The following RASGRP1 variants were observed in gnomAD, a reference collection of about 807,000 sequenced individuals.
The protein encoded by RASGRP1 is RAS guanyl releasing protein 1.
A neutral mutation model predicts 95.1 loss-of-function variants in RASGRP1; 37 were observed. That is an observed-to-expected ratio of 0.39 (90% CI 0.30 to 0.51). The LOEUF (loss-of-function observed/expected upper bound fraction) is 0.51, where lower values mean the gene tolerates loss of function less well. Among genes scored for constraint, RASGRP1 ranks in the 20% least tolerant of loss-of-function variants. The pLI is 0.80. For synonymous variants in RASGRP1, 325 were observed against 353.4 expected (o/e 0.92, Z 0.90); for missense variants, 711 against 965.4 (o/e 0.74, Z 3.49).
At position 38,494,689 on chromosome 15, in the gene RASGRP1, A is replaced by C; in HGVS notation, c.1952T>G (p.Met651Arg). ...HGEESKDRTI[M>R]LMGVSSQKIS... The stretch of plus-strand genomic sequence containing the variant: ...CTTCTGTGAGGACACTCCCATCAGC[A>C]TGATGGTCCGATCCTTACTCTCCTC... The change falls in exon 16 of 17, where the codon ATG becomes AGG. Residue 651 changes from methionine to arginine, a missense_variant. Met to Arg is a moderately conservative substitution (Grantham distance 91). Around this residue, in one of 3 missense-constraint regions of RASGRP1, gnomAD observed 212 missense variants for 247.8 expected, o/e 0.86. Transcript: ENST00000310803. 6.5e-7 allele frequency: 1 copy of C among 1,531,324 alleles called. No homozygotes were observed. Among genetic ancestry groups the C allele is most frequent in the Non-Finnish European group, 8.7e-7 (1 of 1,144,294 alleles). 94.9% of individuals were successfully genotyped at this position (1,531,324 alleles called of 1,614,324 possible).
intron 4 of RASGRP1, among the ~76,000 whole-genome samples, chr15:38,518,935 A>G (rs1395004218): frequency 6.6e-6 from 1 of 152,352 alleles, no homozygotes; most frequent in East Asian, 1.9e-4. Flanking sequence ...AACAAGACAA[A>G]GGAAATACAC....
intron 10 of RASGRP1, among the ~76,000 whole-genome samples, chr15:38,505,255 CCTA>C (rs1430863992): frequency 6.6e-6 from 1 of 152,144 alleles, no homozygotes; most frequent in Non-Finnish European, 1.5e-5. Flanking sequence ...CTGTGAAGTT[CCTA>C]CTGCAGGCAG....
intron 8 of RASGRP1, among the ~76,000 whole-genome samples, chr15:38,508,929 G>A (rs913754152): frequency 1.3e-5 from 2 of 152,130 alleles, no homozygotes; most frequent in South Asian, 2.1e-4. Context: ...AGTCCAAGAC[G>A]CCTAATTGAT....
chr15:38,559,828 T>G lies in RASGRP1; in HGVS notation c.213A>C (p.Gln71His), dbSNP rs577541812. The G allele has an allele frequency of 3.2e-5, 51 of 1,613,514 alleles. No individual in the cohort carries two copies. In the East Asian group the frequency reaches 9.8e-4, roughly 31 times the overall value. Residue 71 changes from glutamine (Q) to histidine (H), a missense_variant, in exon 2 of 17, where the codon CAA (glutamine) becomes CAC (histidine). Around this residue, in one of 3 missense-constraint regions of RASGRP1, gnomAD observed 491 missense variants for 676.6 expected, o/e 0.73. Coordinates refer to ENST00000310803, the MANE Select transcript of RASGRP1 (RefSeq NM_005739.4). ...GGCAGTTAGCCAACTTACCAAAAGA[T>G]TGAATGCAGCTGTCAATGAGATCGT... ...SLDDLIDSCI[Q>H]SFDADGNLCR...
intron 2 of RASGRP1, among the ~76,000 whole-genome samples, chr15:38,556,996 A>G (rs1405035749): frequency 6.6e-6 from 1 of 152,194 alleles, no homozygotes; most frequent in African/African-American, 2.4e-5. Flanking sequence ...GTGGGTTTAA[A>G]ATGAGAAGAC....
chr15:38,495,874 G>A (rs2141079235), intron 15 of RASGRP1, among the ~76,000 whole-genome samples: 1 of 151,846 alleles, frequency 6.6e-6, no homozygotes, highest in African/African-American at 2.4e-5. Context: ...TACCAACCTA[G>A]ATTGTCAAAT....
At position 38,511,703 on chromosome 15, in the gene RASGRP1, C is replaced by A; in HGVS notation, c.867G>T (p.Gln289His). 1 of 1,613,456 alleles carries A rather than the reference C, an allele frequency of 6.2e-7. No homozygotes were observed. Among genetic ancestry groups the A allele is most frequent in the South Asian group, 1.1e-5 (1 of 91,052 alleles). Residue 289 changes from glutamine (Q) to histidine (H), a missense_variant, in exon 8 of 17, where the codon CAG becomes CAT. Transcript: ENST00000310803. ...IQVAQKLHQL[Q>H]NFNTLMAVIG... The stretch of plus-strand genomic sequence containing the variant: ...TCACAGCCATCAGTGTATTGAAGTT[C>A]TGTAGTTGGTGGAGCTTCTGTGACA...
intron 2 of RASGRP1, among the ~76,000 whole-genome samples, chr15:38,547,483 G>A (rs1339573998): frequency 6.6e-6 from 1 of 152,144 alleles, no homozygotes; most frequent in Non-Finnish European, 1.5e-5. Flanking sequence ...GACTCCCAGA[G>A]TTGTAACTTG....
rs1890728975 is a variant in RASGRP1 at position 38,494,691 on chromosome 15, G to A, written c.1950C>T (p.Ile650=). Residue 650 remains isoleucine (I), a synonymous_variant, in exon 16 of 17, where the codon ATC becomes ATT. Coordinates refer to ENST00000310803, the MANE Select transcript of RASGRP1 (RefSeq NM_005739.4). ...TCTGTGAGGACACTCCCATCAGCAT[G>A]ATGGTCCGATCCTTACTCTCCTCAC... ...EHGEESKDRT[I]MLMGVSSQKI... 3.3e-6 allele frequency: 5 copies of A among 1,530,886 alleles called. No individual in the cohort carries two copies. In the East Asian group the frequency reaches 1.1e-4, roughly 35 times the overall value. The allele number at this position is 1,530,886 out of a possible 1,614,324, so 94.8% of individuals were successfully genotyped here.
chr15:38,564,491 C>G (rs1038458492), intron 1 of RASGRP1, 103 bp downstream of exon 1: 5 of 1,165,716 alleles, frequency 4.3e-6, no homozygotes, highest in Admixed American at 4.3e-5. Context: ...CCCCGGCCCC[C>G]CTCCGCCCTC....
intron 8 of RASGRP1, among the ~76,000 whole-genome samples, chr15:38,511,034 A>G (rs1308804699): frequency 1.3e-5 from 2 of 152,222 alleles, no homozygotes; most frequent in Non-Finnish European, 2.9e-5. Flanking sequence ...AAATCTAATA[A>G]TGTAGGAAAA....
Position 38,564,633 on chromosome 15 carries a change from G to A in RASGRP1, c.-5C>T, listed in dbSNP as rs1276779075. On this transcript the variant is annotated 5_prime_UTR_variant, in exon 1 of 17. Transcript: ENST00000310803. Reference sequence around the variant, plus strand: ...CGCCTTGCCCAGGGTGCCCATGGCCGCGGCCCGCGCTCCCGGTGCCGGCTC... The same window carrying A: ...CGCCTTGCCCAGGGTGCCCATGGCCACGGCCCGCGCTCCCGGTGCCGGCTC... 7.5e-7 allele frequency: 1 copy of A among 1,337,396 alleles called. No homozygotes were observed. 82.8% of individuals were successfully genotyped at this position (1,337,396 alleles called of 1,614,324 possible). A position where few individuals can be genotyped will look rare whatever the true frequency, so the allele number is the denominator to read the frequency against.
intron 16 of RASGRP1, among the ~76,000 whole-genome samples, chr15:38,492,338 A>G (rs1890615941): frequency 6.6e-6 from 1 of 152,202 alleles, no homozygotes; most frequent in Admixed American, 6.5e-5. Context: ...AGAGTTCCAC[A>G]TACGTTATCT....
At chr15:38,558,942 T>TG (rs936522702) in intron 2 of RASGRP1, among the ~76,000 whole-genome samples, 3 of 151,722 alleles carry the variant, frequency 2.0e-5, no homozygotes, top group Non-Finnish European at 4.4e-5. Flanking sequence ...GGGGTAGGCT[T>TG]GGGGGGGTTG....
At chr15:38,497,391 C>CT (rs34772920) in intron 15 of RASGRP1, among the ~76,000 whole-genome samples, 1,997 of 148,740 alleles carry the variant, frequency 0.013, 48 homozygotes, top group African/African-American at 0.045. Context: ...GCCTTAACAC[C>CT]TTTTTTTTTT....
chr15:38,548,675 A>G (rs552042539), intron 2 of RASGRP1, among the ~76,000 whole-genome samples: 3 of 152,366 alleles, frequency 2.0e-5, no homozygotes, highest in Admixed American at 6.5e-5. Context: ...ATCAGCATAC[A>G]GCAGATGTGG....
At chr15:38,544,062 G>A (rs1006788560) in intron 2 of RASGRP1, among the ~76,000 whole-genome samples, 4 of 152,128 alleles carry the variant, frequency 2.6e-5, no homozygotes, top group Non-Finnish European at 4.4e-5. Flanking sequence ...AATTAATCCT[G>A]TTGAAGCTCA....
At position 38,512,740 on chromosome 15, in the gene RASGRP1, T is replaced by G. The variant is rs777387030; in HGVS notation, c.849+43A>C. 1.6e-5 allele frequency: 25 copies of G among 1,608,114 alleles called. No homozygotes were observed. In the East Asian group the frequency reaches 5.1e-4, roughly 33 times the overall value. ...GCTGGAGGAAAAGGGGATAGAAAGT[T>G]TACCTTATAGCCCAAGCCAAATGTC... On this transcript the variant is annotated intron_variant, in intron 7 of 16. Transcript: ENST00000310803.
intron 2 of RASGRP1, among the ~76,000 whole-genome samples, chr15:38,549,968 G>A (rs1043904089): frequency 2.6e-5 from 4 of 151,986 alleles, no homozygotes; most frequent in African/African-American, 7.3e-5. Context: ...TCCCTTAGAA[G>A]GTTAATAGGC....
Sources: gnomAD v4.1 joint callset for allele counts (sites outside exome capture counted in the v4.1 genomes callset) on GRCh38, gnomAD v4.1.1 for gene constraint, gnomAD v4.1.1 regional missense constraint, MANE v1.5 for transcripts, NCBI Gene and HGNC (gene_info 2026-07-23, HGNC 2026-07-21) for gene names.